Variants in POLE observed in about 807,000 individuals in gnomAD.
POLE encodes the protein DNA polymerase epsilon, catalytic subunit.
In POLE, 188 loss-of-function variants were observed where a neutral mutation model predicts 279.2. That is an observed-to-expected ratio of 0.67 (90% CI 0.60 to 0.76). POLE has a LOEUF of 0.76. POLE is among the 30% of genes least tolerant of loss of function. The probability of loss-of-function intolerance (pLI) is 0.00; values close to 1 mark genes in which losing one functional copy is unlikely to be tolerated. For missense variants in POLE, 2,703 were observed against 3,016.7 expected, an observed-to-expected ratio of 0.90 and a Z score of 2.44; for synonymous variants, 1,214 against 1,172.5, an observed-to-expected ratio of 1.04 and a Z score of -0.72.
intron 38 of POLE, 102 bp downstream of exon 38, chr12:132,642,075 C>T (rs754516639): frequency 5.4e-5 from 62 of 1,155,696 alleles, no homozygotes; most frequent in Non-Finnish European, 6.8e-5. Flanking sequence ...CCTGCGCGGT[C>T]GAACTCTGAG....
rs1202499965 is a variant in POLE, at chr12:132,687,336, C to G, written c.-21G>C. ...GACATGGAGCCGTTGGCTACCACCT[C>G]TGCTTCAGGGGAGAAATTTGGCGCG... On this transcript the variant is annotated 5_prime_UTR_variant, in exon 1 of 49. Coordinates refer to ENST00000320574, the MANE Select transcript of POLE (RefSeq NM_006231.4). 1 of 1,491,556 alleles carries G rather than the reference C, an allele frequency of 6.7e-7. No individual in the cohort carries two copies. Among genetic ancestry groups the G allele is most frequent in the Admixed American group, 2.1e-5 (1 of 47,354 alleles). 92.4% of individuals were successfully genotyped at this position (1,491,556 alleles called of 1,614,324 possible).
At chr12:132,657,502 G>T in intron 27 of POLE, 73 bp from the exon 28 acceptor site, 2 of 1,237,398 alleles carry the variant, frequency 1.6e-6, no homozygotes, top group Non-Finnish European at 2.4e-6. Context: ...TTCATGCTGA[G>T]CACAGGGCTA....
chr12:132,656,037 G>A lies in POLE; in HGVS notation c.3582+1099C>T, dbSNP rs550665719. On this transcript the variant is annotated intron_variant, in intron 29 of 48. Transcript: ENST00000320574. Reference sequence around the variant, plus strand: ...AAAAAAATTAAAAAAATAAAAATTAGCTAGGCATGGTGGTGCGTGCCTATA... The same window carrying A: ...AAAAAAATTAAAAAAATAAAAATTAACTAGGCATGGTGGTGCGTGCCTATA... Among the ~76,000 whole-genome samples, 8 of 152,136 alleles carry A rather than the reference G, an allele frequency of 5.3e-5. No individual in the cohort carries two copies. The East Asian group carries it at 7.7e-4, about 15-fold the overall frequency.
chr12:132,679,714 TAAAC>T, intron 5 of POLE, 63 bp from the exon 6 acceptor site: 1 of 1,546,924 alleles, frequency 6.5e-7, no homozygotes, highest in South Asian at 1.2e-5. Context: ...GGTGAGAGGG[TAAAC>T]ACTCAAAGGT....
intron 41 of POLE, among the ~76,000 whole-genome samples, chr12:132,637,086 G>A (rs1466769518): frequency 6.6e-6 from 1 of 152,216 alleles, no homozygotes; most frequent in African/African-American, 2.4e-5. Context: ...GGCACACAGC[G>A]TGACCACTGA....
At chr12:132,641,098 C>T in intron 39 of POLE, 2 of 456,428 alleles carry the variant, frequency 4.4e-6, no homozygotes, top group South Asian at 1.5e-5. Flanking sequence ...ACAATAACCG[C>T]TCCCCGTCCC....
At chr12:132,636,693 C>T (rs986949616) in intron 41 of POLE, among the ~76,000 whole-genome samples, 15 of 152,118 alleles carry the variant, frequency 9.9e-5, no homozygotes, top group Admixed American at 2.6e-4. Context: ...AGTTTGAGGC[C>T]GCAGTGAGCC....
chr12:132,657,309 T>C, intron 28 of POLE, 40 bp downstream of exon 28: 1 of 1,613,822 alleles, frequency 6.2e-7, no homozygotes, highest in Non-Finnish European at 8.5e-7. Flanking sequence ...AACTGCACAG[T>C]TTTTAGCCCC....
rs2136010114 is a variant in POLE, at chr12:132,675,616, G to A, written c.1107-99C>T. Reference sequence around the variant, plus strand: ...GACCCAGGGAGGAACCCAGACACGGGAGGTGCAGAGTGAACCCAGGAGCCA... The same window carrying A: ...GACCCAGGGAGGAACCCAGACACGGAAGGTGCAGAGTGAACCCAGGAGCCA... On this transcript the variant is annotated intron_variant, in intron 11 of 48. Coordinates refer to ENST00000320574, the MANE Select transcript of POLE (RefSeq NM_006231.4). The surrounding 1 kb of genome is among the most constrained non-coding windows in gnomAD (Gnocchi z 4.3). The A allele has an allele frequency of 1.3e-6, 2 of 1,591,232 alleles. No individual in the cohort carries two copies. The highest frequency in any genetic ancestry group is 2.3e-5 in the South Asian group (2 of 88,700).
chr12:132,687,108 C>G, intron 1 of POLE, 146 bp downstream of exon 1: 1 of 414,316 alleles, frequency 2.4e-6, no homozygotes, highest in Non-Finnish European at 3.8e-6. Flanking sequence ...GCGGTCGGGG[C>G]GCGCCGCCCT....
At chr12:132,666,767 G>T (rs945395270) in intron 20 of POLE, among the ~76,000 whole-genome samples, 7 of 152,202 alleles carry the variant, frequency 4.6e-5, no homozygotes, top group African/African-American at 1.7e-4. Context: ...GTTTCAGAAG[G>T]CGAAGAATTC....
Position 132,668,534 on chromosome 12 carries a change from A to C in POLE, c.2027-32T>G, listed in dbSNP as rs765137233. 5 of 1,580,374 alleles carry C rather than the reference A, an allele frequency of 3.2e-6. No individual in the cohort carries two copies. Among genetic ancestry groups the C allele is most frequent in the Non-Finnish European group, 4.3e-6 (5 of 1,159,086 alleles). On this transcript the variant is annotated intron_variant, in intron 18 of 48. Transcript: ENST00000320574. This position sits in a 1 kb window ranked among gnomAD's most constrained non-coding sequence, Gnocchi z 4.0. ...AGGAGGCAATGGGGGCAAGTTCAAA[A>C]GGAGGCACAGACACACCGGCTTCCC... is the stretch of plus-strand genomic sequence containing the variant.
chr12:132,657,967 G>T lies in POLE; in HGVS notation c.3279C>A (p.Ala1093=). 1 of 1,609,428 alleles carries T rather than the reference G, an allele frequency of 6.2e-7. No individual in the cohort carries two copies. Among genetic ancestry groups the T allele is most frequent in the Non-Finnish European group, 8.5e-7 (1 of 1,175,768 alleles). Residue 1093 remains alanine (A), a synonymous_variant, in exon 27 of 49, where the codon GCC becomes GCA. Transcript: ENST00000320574. The stretch of plus-strand genomic sequence containing the variant: ...CTGCTTGGAAAATGGCAAGTGGGAT[G>T]GCCCTGGGTAAGGAAGACAGGCACA... ...KPEGSPVTER[A]IPLAIFQAEP...
Position 132,634,291 on chromosome 12 carries a change from C to A in POLE, c.5899G>T (p.Ala1967Ser), listed in dbSNP as rs1197400098. ...EERDGEEEEE[A>S]EESNVEDLLE... ...AAATCCTCCACGTTGGATTCCTCCG[C>A]CTCTTCCTCCTCCTCCCCATCTCTT... is the stretch of plus-strand genomic sequence containing the variant. Residue 1967 changes from alanine (A) to serine (S), a missense_variant, in exon 43 of 49, where the codon GCG becomes TCG. Ala to Ser is a moderately conservative substitution (Grantham distance 99, BLOSUM62 1). This residue lies in a region of POLE where 1,551 missense variants were observed against 1,686.1 expected (regional missense o/e 0.92). Transcript: ENST00000320574. The surrounding 1 kb of genome is among the most constrained non-coding windows in gnomAD (Gnocchi z 4.0). 1 of 1,614,214 alleles carries A rather than the reference C, an allele frequency of 6.2e-7. No individual in the cohort carries two copies. The highest frequency in any genetic ancestry group is 8.5e-7 in the Non-Finnish European group (1 of 1,180,020).
chr12:132,642,393 A>C lies in POLE; in HGVS notation c.4957T>G (p.Phe1653Val), dbSNP rs1374627853. 3.2e-6 allele frequency: 5 copies of C among 1,578,546 alleles called. No individual in the cohort carries two copies. The highest frequency in any genetic ancestry group is 2.3e-5 in the East Asian group (1 of 44,364). ...GGTAGGTTCCCAATGGGAATGTGAA[A>C]GTACCTGCACCAGGGCACAGGTCAG... The part of the protein sequence containing the change: ...LSQAFEMSRY[F>V]HIPIGNLPED... The change falls in exon 38 of 49, where the codon TTT becomes GTT. Residue 1653 changes from phenylalanine (F) to valine (V), a missense_variant. Physicochemically the swap from Phe to Val is conservative, Grantham distance 50. Around this residue, in one of 5 missense-constraint regions of POLE, gnomAD observed 1,551 missense variants for 1,686.1 expected, o/e 0.92. Transcript: ENST00000320574.
intron 45 of POLE, among the ~76,000 whole-genome samples, chr12:132,631,228 G>A (rs1014674546): frequency 3.3e-5 from 5 of 152,082 alleles, no homozygotes; most frequent in Admixed American, 6.6e-5. Context: ...CTTATGTGAC[G>A]CTCTAGAAGA....
At chr12:132,682,311 A>AAAT (rs1555230619) in intron 1 of POLE, among the ~76,000 whole-genome samples, 12 of 74,380 alleles carry the variant, frequency 1.6e-4, no homozygotes, top group Admixed American at 2.3e-4. Flanking sequence ...AAAATAAATA[A>AAAT]AAATAAATAA....
chr12:132,655,085 T>C (rs1296334076), intron 29 of POLE, among the ~76,000 whole-genome samples: 1 of 152,228 alleles, frequency 6.6e-6, no homozygotes, highest in Non-Finnish European at 1.5e-5. Context: ...TATAACTCTT[T>C]ATAACTTCTG....
chr12:132,681,291 A>C lies in POLE; in HGVS notation c.63-12T>G. 1 of 1,612,062 alleles carries C rather than the reference A, an allele frequency of 6.2e-7. No individual in the cohort carries two copies. The highest frequency in any genetic ancestry group is 8.5e-7 in the Non-Finnish European group (1 of 1,179,168). On this transcript the variant is annotated splice_polypyrimidine_tract_variant and intron_variant, in intron 1 of 48. Transcript: ENST00000320574. ...TGGCGCCATCATCCCTGAGTGAAAG[A>C]AGGGAACCCCGTGCTTAATTTGTAA... is the stretch of plus-strand genomic sequence containing the variant.
Sources: gnomAD v4.1 joint callset for allele counts (sites outside exome capture counted in the v4.1 genomes callset) on GRCh38, gnomAD v4.1.1 for gene constraint, gnomAD v4.1.1 regional missense constraint, Gnocchi (gnomAD v3.1) non-coding constraint, MANE v1.5 for transcripts, NCBI Gene and HGNC (gene_info 2026-07-23, HGNC 2026-07-21) for gene names.